Variants in GABRA6 observed in about 807,000 individuals in gnomAD.
GABRA6 encodes the protein gamma-aminobutyric acid receptor subunit alpha-6.
Under a neutral mutation model 47.3 loss-of-function variants are expected in GABRA6, and 45 were observed. That is an observed-to-expected ratio of 0.95 (90% CI 0.75 to 1.22). The LOEUF (loss-of-function observed/expected upper bound fraction) is 1.22. Ranked by LOEUF, GABRA6 falls within the 50% of genes most tolerant of loss-of-function variation. The probability of loss-of-function intolerance (pLI) is 0.00; values close to 1 mark genes in which losing one functional copy is unlikely to be tolerated. For synonymous variants in GABRA6, 219 were observed against 194.7 expected, an observed-to-expected ratio of 1.12 and a Z score of -1.04; for missense variants, 583 against 549.3, an observed-to-expected ratio of 1.06 and a Z score of -0.61.
At position 161,692,048 on chromosome 5, in the gene GABRA6, GCATTCGTCTT is replaced by G. The variant is rs1754801444; in HGVS notation, c.936_945del (p.Phe313LeufsTer32). On this transcript the variant is annotated frameshift_variant, in exon 8 of 9. Transcript: ENST00000274545. LOFTEE classifies it high-confidence loss of function. ...GGATTGGTTCATAGCTGTTTGCTTT[GCATTCGTCTT>G]CTCTGCGCTTATCGAGTTCGCAGCT... 1 of 1,613,990 alleles carries G rather than the reference GCATTCGTCTT, an allele frequency of 6.2e-7. No individual in the cohort carries two copies. Among genetic ancestry groups the G allele is most frequent in the African/African-American group, 1.3e-5 (1 of 74,908 alleles).
intron 2 of GABRA6, 46 bp downstream of exon 2, chr5:161,686,394 C>T (rs773960748): frequency 1.4e-5 from 20 of 1,437,104 alleles, no homozygotes; most frequent in Non-Finnish European, 2.0e-6. Context: ...AGTTTCCTTC[C>T]TCCGTTTCTG....
Position 161,701,894 on chromosome 5 carries a change from T to A in GABRA6, c.*121T>A. ...AGAACATGAAATCAAATTGGAAATCTGTAACGCAGCTTCCGTAAGCATGTG... is the reference window on the plus strand; with the variant it reads ...AGAACATGAAATCAAATTGGAAATCAGTAACGCAGCTTCCGTAAGCATGTG... On this transcript the variant is annotated 3_prime_UTR_variant, in exon 9 of 9. Transcript: ENST00000274545. 9.1e-7 allele frequency: 1 copy of A among 1,099,670 alleles called. No homozygotes were observed. The highest frequency in any genetic ancestry group is 1.3e-5 in the South Asian group (1 of 76,460). The allele number at this position is 1,099,670 out of a possible 1,614,324, so 68.1% of individuals were successfully genotyped here. A position where few individuals can be genotyped will look rare whatever the true frequency, so the allele number is the denominator to read the frequency against.
chr5:161,697,797 C>T (rs186393110), intron 8 of GABRA6, among the ~76,000 whole-genome samples: 28 of 152,250 alleles, frequency 1.8e-4, no homozygotes, highest in Admixed American at 2.6e-4. Context: ...GTTAAGAGCG[C>T]GGTCTGTGGC....
chr5:161,692,347 A>G (rs965844220), intron 8 of GABRA6, 147 bp downstream of exon 8: 7 of 894,004 alleles, frequency 7.8e-6, no homozygotes, highest in Non-Finnish European at 1.2e-5. Context: ...TTTCTGTTCC[A>G]ACTTCACAGA....
intron 5 of GABRA6, 129 bp from the exon 6 acceptor site, chr5:161,689,507 C>A (rs778733445): frequency 8.3e-6 from 9 of 1,078,576 alleles, no homozygotes; most frequent in Non-Finnish European, 1.2e-5. Context: ...CTTTAGTCAC[C>A]AAGATTAAAG....
Position 161,686,332 on chromosome 5 carries a change from G to A in GABRA6, c.141G>A (p.Leu47=), listed in dbSNP as rs1754691431. The stretch of plus-strand genomic sequence containing the variant: ...TGCTTGAAGGCTATGACAATCGGCT[G>A]CGGCCGGGATTTGGAGGTAAGAAGC... ...DNLLEGYDNR[L]RPGFGGAVTE... is the part of the protein sequence containing the mutation. Residue 47 remains leucine (L), a synonymous_variant, in exon 2 of 9, where the codon CTG becomes CTA. Transcript: ENST00000274545. 1.9e-6 allele frequency: 3 copies of A among 1,613,624 alleles called. No individual in the cohort carries two copies. The highest frequency in any genetic ancestry group is 1.6e-4 in the Middle Eastern group (1 of 6,080).
At position 161,686,319 on chromosome 5, in the gene GABRA6, A is replaced by G. The variant is rs1367496709; in HGVS notation, c.128A>G (p.Tyr43Cys). ...SRILDNLLEGYDNRLRPGFGG... is the reference protein window; with the variant it reads ...SRILDNLLEGCDNRLRPGFGG... ...ATCCTGGACAACTTGCTTGAAGGCT[A>G]TGACAATCGGCTGCGGCCGGGATTT... The change falls in exon 2 of 9, where the codon TAT (tyrosine) becomes TGT (cysteine). Residue 43 changes from tyrosine (Y) to cysteine (C), a missense_variant. Tyr to Cys is a radical substitution (Grantham distance 194). Transcript: ENST00000274545. 1.2e-6 allele frequency: 2 copies of G among 1,614,024 alleles called. No individual in the cohort carries two copies. Among genetic ancestry groups the G allele is most frequent in the Non-Finnish European group, 1.7e-6 (2 of 1,179,878 alleles).
rs149211104 is a variant in GABRA6, at chr5:161,699,973, G to C, written c.1087-1525G>C. ...AAATCAAATCTTGACTACACCATTT[G>C]TTTTTGCTTTTGGTAAAGAAACACA... On this transcript the variant is annotated intron_variant, in intron 8 of 8. Transcript: ENST00000274545. Among the ~76,000 whole-genome samples the C allele has an allele frequency of 5.2e-4, 79 of 152,180 alleles. 1 individual carries two copies. The highest frequency in any genetic ancestry group is 1.8e-3 in the African/African-American group (75 of 41,522).
chr5:161,689,935 C>A (rs1283644434), intron 6 of GABRA6, 156 bp downstream of exon 6: 2 of 795,298 alleles, frequency 2.5e-6, no homozygotes, highest in South Asian at 1.7e-5. Context: ...ATTTTGCAAC[C>A]AGGTGCATAT....
chr5:161,701,725 A>G lies in GABRA6; in HGVS notation c.1314A>G (p.Val438=). ...CAGGATTCAACCTTGTGTACTGGGT[A>G]GTTTATCTTTCCAAAGATACAATGG... ...AFAGFNLVYW[V]VYLSKDTMEV... The change falls in exon 9 of 9, where the codon GTA becomes GTG. Residue 438 remains valine (V), a synonymous_variant. Coordinates refer to ENST00000274545, the MANE Select transcript of GABRA6 (RefSeq NM_000811.3). 1.9e-6 allele frequency: 3 copies of G among 1,614,166 alleles called. No homozygotes were observed. The highest frequency in any genetic ancestry group is 2.2e-5 in the South Asian group (2 of 91,084).
chr5:161,700,992 A>T (rs1754970143), intron 8 of GABRA6, among the ~76,000 whole-genome samples: 1 of 152,220 alleles, frequency 6.6e-6, no homozygotes, highest in African/African-American at 2.4e-5. Flanking sequence ...ATTCAAGCTT[A>T]TGAGTGTGCA....
chr5:161,689,448 G>A lies in GABRA6; in HGVS notation c.529+112G>A, dbSNP rs983840732. 4.7e-6 allele frequency: 5 copies of A among 1,072,440 alleles called. No individual in the cohort carries two copies. In the Admixed American group the frequency reaches 9.4e-5, roughly 20 times the overall value. The allele number at this position is 1,072,440 out of a possible 1,614,324, so 66.4% of individuals were successfully genotyped here. A position where few individuals can be genotyped will look rare whatever the true frequency, so the allele number is the denominator to read the frequency against. On this transcript the variant is annotated intron_variant, in intron 5 of 8. Transcript: ENST00000274545. Reference sequence around the variant, plus strand: ...GAAATAGAATCATGACACTATCAGTGTGATTCTAGGAATATACTTAATCAT... The same window carrying A: ...GAAATAGAATCATGACACTATCAGTATGATTCTAGGAATATACTTAATCAT...
chr5:161,692,142 C>T lies in GABRA6; in HGVS notation c.1028C>T (p.Ala343Val). ...GCCAAAAGGAAGGCACAGTTTGCAG[C>T]CCCACCCACAGTGACAATATCAAAA... ...QKAKRKAQFA[A>V]PPTVTISKAT... The change falls in exon 8 of 9, where the codon GCC becomes GTC. Residue 343 changes from alanine (A) to valine (V), a missense_variant. Physicochemically the swap from Ala to Val is moderately conservative, Grantham distance 64. Coordinates refer to ENST00000274545, the MANE Select transcript of GABRA6 (RefSeq NM_000811.3). 1 of 1,614,142 alleles carries T rather than the reference C, an allele frequency of 6.2e-7. No individual in the cohort carries two copies. The highest frequency in any genetic ancestry group is 2.2e-5 in the East Asian group (1 of 44,886).
intron 8 of GABRA6, among the ~76,000 whole-genome samples, chr5:161,694,565 C>A (rs539088895): frequency 2.0e-5 from 3 of 151,996 alleles, no homozygotes; most frequent in Admixed American, 1.3e-4. Flanking sequence ...CTCCTATAAA[C>A]CTAAAATAGT....
chr5:161,694,989 A>G (rs983264646), intron 8 of GABRA6, among the ~76,000 whole-genome samples: 1 of 152,282 alleles, frequency 6.6e-6, no homozygotes, highest in Admixed American at 6.5e-5. Context: ...CCCAAATACC[A>G]TGACATTTAA....
In GABRA6 at chr5:161,689,731, G is replaced by C; in HGVS notation, c.625G>C (p.Asp209His). The C allele has an allele frequency of 6.2e-7, 1 of 1,613,184 alleles. No homozygotes were observed. The highest frequency in any genetic ancestry group is 8.5e-7 in the Non-Finnish European group (1 of 1,179,226). ...AGAATCTTCAAGCCTTCTCCAGTAT[G>C]ATCTGATTGGACAAACAGTATCTAG... ...PEESSSLLQY[D>H]LIGQTVSSET... The change falls in exon 6 of 9, where the codon GAT becomes CAT. Residue 209 changes from aspartate (D) to histidine (H), a missense_variant. Asp to His is a moderately conservative substitution (Grantham distance 81). Transcript: ENST00000274545.
rs774441339 is a variant in GABRA6, at chr5:161,689,651, GTGAAAT to G, written c.546_551del (p.Glu183_Ile184del). ...AAATATTTAGATGCTTATCCCAAAA[GTGAAAT>G]CATATATACGTGGAAAAAAGGACCA... On this transcript the variant is annotated inframe_deletion, in exon 6 of 9. Transcript: ENST00000274545. The G allele has an allele frequency of 1.9e-6, 3 of 1,609,260 alleles. No individual in the cohort carries two copies. In the East Asian group the frequency reaches 6.7e-5, roughly 36 times the overall value.
rs769162042 is a variant in GABRA6 at position 161,692,013 on chromosome 5, C to T, written c.899C>T (p.Ala300Val). The change falls in exon 8 of 9, where the codon GCC becomes GTC. Residue 300 changes from alanine (A) to valine (V), a missense_variant. Physicochemically the swap from Ala to Val is moderately conservative, Grantham distance 64 (BLOSUM62 0). Transcript: ENST00000274545. ...CACTCTTTGCCAAAAGTGTCATATG[C>T]CACTGCCATGGATTGGTTCATAGCT... is the stretch of plus-strand genomic sequence containing the variant. Reference protein sequence around the residue: ...ARHSLPKVSYATAMDWFIAVC... With the variant: ...ARHSLPKVSYVTAMDWFIAVC... 8 of 1,613,914 alleles carry T rather than the reference C, an allele frequency of 5.0e-6. No homozygotes were observed. The South Asian group carries it at 5.5e-5, about 11-fold the overall frequency.
intron 3 of GABRA6, chr5:161,687,217 T>C (rs1352803446): frequency 1.7e-6 from 1 of 588,192 alleles, no homozygotes; most frequent in South Asian, 1.9e-5. Context: ...AGGGACTTTT[T>C]AAAATTATGT....
Sources: gnomAD v4.1 joint callset for allele counts (sites outside exome capture counted in the v4.1 genomes callset) on GRCh38, gnomAD v4.1.1 for gene constraint, MANE v1.5 for transcripts, NCBI Gene and HGNC (gene_info 2026-07-23, HGNC 2026-07-21) for gene names.